The following MAGI3 variants were observed in gnomAD, a reference collection of about 807,000 sequenced individuals.
MAGI3 encodes the protein membrane-associated guanylate kinase, WW and PDZ domain-containing protein 3.
In MAGI3, 43 loss-of-function variants were observed where a neutral mutation model predicts 121.8. That is an observed-to-expected ratio of 0.35 (90% CI 0.28 to 0.46). MAGI3 has a LOEUF of 0.46. MAGI3 is among the 20% of genes least tolerant of loss of function. The pLI, the probability that MAGI3 is intolerant of heterozygous loss-of-function variation, is 1.00. For synonymous variants in MAGI3, 553 were observed against 639.3 expected (o/e 0.86, Z 2.04); for missense variants, 1,547 against 1,797.3 (o/e 0.86, Z 2.52).
chr1:113,443,782 A>C (rs1426748161), intron 1 of MAGI3, among the ~76,000 whole-genome samples: 1 of 152,242 alleles, frequency 6.6e-6, no homozygotes, highest in Non-Finnish European at 1.5e-5. Flanking sequence ...TATATCATGA[A>C]AACAAGTTTC....
At chr1:113,638,733 G>A (rs933122630) in intron 9 of MAGI3, among the ~76,000 whole-genome samples, 9 of 71,050 alleles carry the variant, frequency 1.3e-4, no homozygotes, top group Non-Finnish European at 2.3e-4. Context: ...CTCCAGCTGC[G>A]TGCTAGGAGA....
At chr1:113,514,933 C>A (rs1221894465) in intron 1 of MAGI3, among the ~76,000 whole-genome samples, 1 of 152,028 alleles carries the variant, frequency 6.6e-6, no homozygotes, top group Non-Finnish European at 1.5e-5. Context: ...TTTCATACTT[C>A]ACTAAATTCT....
intron 1 of MAGI3, among the ~76,000 whole-genome samples, chr1:113,401,956 G>A (rs947255718): frequency 9.9e-5 from 15 of 152,124 alleles, no homozygotes; most frequent in Admixed American, 2.0e-4. Context: ...ACGCTGTTAT[G>A]TTTTCTCTCT....
At chr1:113,447,846 C>A (rs1393146891) in intron 1 of MAGI3, among the ~76,000 whole-genome samples, 2 of 147,986 alleles carry the variant, frequency 1.4e-5, no homozygotes, top group African/African-American at 4.9e-5. Flanking sequence ...CAGAACAAGA[C>A]TGTGTCTCAA....
chr1:113,452,524 A>G (rs1170956078), intron 1 of MAGI3, among the ~76,000 whole-genome samples: 2 of 151,668 alleles, frequency 1.3e-5, no homozygotes, highest in African/African-American at 4.8e-5. Flanking sequence ...TTTAATTTTT[A>G]TTTGATATCT....
intron 1 of MAGI3, among the ~76,000 whole-genome samples, chr1:113,438,200 T>G (rs1653733846): frequency 6.6e-6 from 1 of 152,042 alleles, no homozygotes; most frequent in Non-Finnish European, 1.5e-5. Context: ...ACAAGCCCCC[T>G]TCTCTTATCA....
At chr1:113,400,426 G>A (rs1453485266) in intron 1 of MAGI3, among the ~76,000 whole-genome samples, 1 of 152,062 alleles carries the variant, frequency 6.6e-6, no homozygotes, top group Non-Finnish European at 1.5e-5. Flanking sequence ...ATTGGTGAAT[G>A]CACTTACTGT....
At position 113,518,478 on chromosome 1, in the gene MAGI3, T is replaced by C. The variant is rs377267156; in HGVS notation, c.317-31037T>C. The stretch of plus-strand genomic sequence containing the variant: ...GAAAGGAACCTTACTGTTTTTTTTG[T>C]GTCTACATATAGTACAATAAAAGCA... On this transcript the variant is annotated intron_variant, in intron 1 of 20. Transcript: ENST00000307546. Among the ~76,000 whole-genome samples the C allele has an allele frequency of 3.9e-5, 6 of 152,234 alleles. No homozygotes were observed. The East Asian group carries it at 5.8e-4, about 15-fold the overall frequency.
Position 113,585,442 on chromosome 1 carries a change from T to A in MAGI3, c.609T>A (p.Asp203Glu). The change falls in exon 4 of 21, where the codon GAT (aspartate) becomes GAA (glutamate). Residue 203 changes from aspartate to glutamate, a missense_variant. Physicochemically the swap from Asp to Glu is conservative, Grantham distance 45. Coordinates refer to ENST00000307546, the MANE Select transcript of MAGI3 (RefSeq NM_001142782.2). ...PPAEPSPFQP[D>E]PVDQVLFDNE... ...CAGAACCCAGCCCTTTTCAGCCAGATCCAGTTGATCAAGTCCTCTTTGATA... is the reference window on the plus strand; with the variant it reads ...CAGAACCCAGCCCTTTTCAGCCAGAACCAGTTGATCAAGTCCTCTTTGATA... 1 of 1,614,122 alleles carries A rather than the reference T, an allele frequency of 6.2e-7. No homozygotes were observed. The highest frequency in any genetic ancestry group is 2.2e-5 in the East Asian group (1 of 44,876).
chr1:113,521,970 A>G (rs1490600039), intron 1 of MAGI3, among the ~76,000 whole-genome samples: 2 of 152,186 alleles, frequency 1.3e-5, no homozygotes, highest in African/African-American at 4.8e-5. Flanking sequence ...CTAATCATGT[A>G]TCAGAGTCTT....
At chr1:113,530,384 A>T (rs1658651461) in intron 1 of MAGI3, among the ~76,000 whole-genome samples, 1 of 151,940 alleles carries the variant, frequency 6.6e-6, no homozygotes, top group Admixed American at 6.6e-5. Flanking sequence ...ATGTTCTCCT[A>T]AGTGGGAGCT....
At chr1:113,635,729 T>C (rs1252100688) in intron 9 of MAGI3, among the ~76,000 whole-genome samples, 2 of 152,226 alleles carry the variant, frequency 1.3e-5, no homozygotes, top group Admixed American at 6.5e-5. Context: ...GTCAGGATGA[T>C]GCTGGCCTCA....
In MAGI3 at chr1:113,658,998, A is replaced by G. The variant is rs1653631510; in HGVS notation, c.2630-82A>G. On this transcript the variant is annotated intron_variant, in intron 15 of 20. Coordinates refer to ENST00000307546, the MANE Select transcript of MAGI3 (RefSeq NM_001142782.2). This position sits in a 1 kb window ranked among gnomAD's most constrained non-coding sequence, Gnocchi z 4.0. ...AATAATTTTCTTTGATGTTATGTTG[A>G]ATTTTAAATGACGTTGATTATAAAT... 8.6e-7 allele frequency: 1 copy of G among 1,160,362 alleles called. No homozygotes were observed. Among genetic ancestry groups the G allele is most frequent in the African/African-American group, 1.5e-5 (1 of 64,640 alleles). The allele number at this position is 1,160,362 out of a possible 1,614,324, so 71.9% of individuals were successfully genotyped here.
chr1:113,467,443 T>G (rs1655344648), intron 1 of MAGI3, among the ~76,000 whole-genome samples: 1 of 152,142 alleles, frequency 6.6e-6, no homozygotes, highest in South Asian at 2.1e-4. Flanking sequence ...TTCTGTTAGT[T>G]AGACCTAGTG....
chr1:113,462,104 C>T (rs1409003753), intron 1 of MAGI3, among the ~76,000 whole-genome samples: 4 of 152,106 alleles, frequency 2.6e-5, no homozygotes, highest in African/African-American at 9.7e-5. Flanking sequence ...CACTTATACA[C>T]TGTTGGTGGG....
chr1:113,644,809 T>C (rs558618840), intron 11 of MAGI3, among the ~76,000 whole-genome samples: 34 of 152,328 alleles, frequency 2.2e-4, no homozygotes, highest in East Asian at 1.2e-3. Context: ...ATATCCACAA[T>C]GTTTTGGATA....
In MAGI3 at chr1:113,567,634, A is replaced by T. The variant is rs77912360; in HGVS notation, c.434-12908A>T. Among the ~76,000 whole-genome samples the T allele has an allele frequency of 7.0e-3, 1,060 of 152,216 alleles. 12 individuals carry two copies. Among genetic ancestry groups the T allele is most frequent in the Middle Eastern group, 0.027 (8 of 294 alleles). On this transcript the variant is annotated intron_variant, in intron 2 of 20. Coordinates refer to ENST00000307546, the MANE Select transcript of MAGI3 (RefSeq NM_001142782.2). ...ACATATAAGACTCAGTCAATATATT[A>T]TGCCACATTAACATCTCAATACAGA...
intron 1 of MAGI3, among the ~76,000 whole-genome samples, chr1:113,506,187 T>A (rs912007151): frequency 6.6e-6 from 1 of 152,192 alleles, no homozygotes; most frequent in African/African-American, 2.4e-5. Flanking sequence ...GGAGGGGTGC[T>A]TGAAGATCAT....
intron 2 of MAGI3, among the ~76,000 whole-genome samples, chr1:113,557,782 C>T (rs1192275704): frequency 6.6e-6 from 1 of 152,148 alleles, no homozygotes; most frequent in Non-Finnish European, 1.5e-5. Context: ...CTGGAGTATC[C>T]AGCCACCTCC....
Sources: gnomAD v4.1 joint callset for allele counts (sites outside exome capture counted in the v4.1 genomes callset) on GRCh38, gnomAD v4.1.1 for gene constraint, Gnocchi (gnomAD v3.1) non-coding constraint, MANE v1.5 for transcripts, NCBI Gene and HGNC (gene_info 2026-07-23, HGNC 2026-07-21) for gene names.